Variants in ASAP1 observed in about 807,000 individuals in gnomAD.
ASAP1 encodes the protein arf-GAP with SH3 domain, ANK repeat and PH domain-containing protein 1.
A neutral mutation model predicts 145.2 loss-of-function variants in ASAP1; 43 were observed. The observed-to-expected ratio is 0.30, with a 90% confidence interval of 0.23 to 0.38. ASAP1 has a LOEUF of 0.38. Among genes scored for constraint, ASAP1 ranks in the 10% least tolerant of loss-of-function variants. The probability of loss-of-function intolerance (pLI) is 1.00; values close to 1 mark genes in which losing one functional copy is unlikely to be tolerated. For missense variants in ASAP1, 1,018 were observed against 1,355.3 expected, an observed-to-expected ratio of 0.75 and a Z score of 3.91; for synonymous variants, 546 against 515.5, an observed-to-expected ratio of 1.06 and a Z score of -0.80.
At chr8:130,148,025 C>T (rs931585997) in intron 13 of ASAP1, among the ~76,000 whole-genome samples, 4 of 152,192 alleles carry the variant, frequency 2.6e-5, no homozygotes, top group Non-Finnish European at 4.4e-5. Flanking sequence ...AATATAAATT[C>T]TTAGAACACT....
At chr8:130,337,170 A>G (rs149278017) in intron 3 of ASAP1, among the ~76,000 whole-genome samples, 2 of 152,362 alleles carry the variant, frequency 1.3e-5, no homozygotes, top group Non-Finnish European at 2.9e-5. Flanking sequence ...AAAGGGTGAG[A>G]TTAATTCAAA....
At chr8:130,164,325 C>T (rs2097675640) in intron 11 of ASAP1, among the ~76,000 whole-genome samples, 1 of 152,222 alleles carries the variant, frequency 6.6e-6, no homozygotes, top group South Asian at 2.1e-4. Flanking sequence ...TAGCTCATGC[C>T]TGTAATCCCA....
At chr8:130,411,394 T>C (rs1829258904) in intron 1 of ASAP1, among the ~76,000 whole-genome samples, 1 of 152,116 alleles carries the variant, frequency 6.6e-6, no homozygotes, top group African/African-American at 2.4e-5. Flanking sequence ...GGAAACAATA[T>C]CCCAGCTCCT....
At chr8:130,416,877 A>G (rs1184876220) in intron 1 of ASAP1, among the ~76,000 whole-genome samples, 1 of 152,274 alleles carries the variant, frequency 6.6e-6, no homozygotes, top group African/African-American at 2.4e-5. Context: ...GCCTGAGCTG[A>G]TGGGGCAACC....
At chr8:130,262,789 C>T (rs1820017603) in intron 3 of ASAP1, among the ~76,000 whole-genome samples, 1 of 152,132 alleles carries the variant, frequency 6.6e-6, no homozygotes, top group Non-Finnish European at 1.5e-5. Flanking sequence ...ACATTTTTTA[C>T]TTCAGCAGAA....
intron 3 of ASAP1, among the ~76,000 whole-genome samples, chr8:130,301,819 T>C (rs1822687667): frequency 6.6e-6 from 1 of 152,244 alleles, no homozygotes; most frequent in Non-Finnish European, 1.5e-5. Flanking sequence ...TGAGAGTATC[T>C]ATTCGTAGAT....
chr8:130,245,318 T>C (rs1478463775), intron 3 of ASAP1, among the ~76,000 whole-genome samples: 4 of 152,154 alleles, frequency 2.6e-5, no homozygotes, highest in Non-Finnish European at 5.9e-5. Flanking sequence ...CTCCTGTGCT[T>C]ATAAAGATTT....
intron 3 of ASAP1, among the ~76,000 whole-genome samples, chr8:130,245,664 T>C (rs920887325): frequency 3.3e-5 from 5 of 152,176 alleles, no homozygotes; most frequent in African/African-American, 9.7e-5. Context: ...TAGGTGTGTA[T>C]ACGTTTTGAG....
chr8:130,291,629 C>T (rs1038212143), intron 3 of ASAP1, among the ~76,000 whole-genome samples: 4 of 152,048 alleles, frequency 2.6e-5, no homozygotes, highest in South Asian at 2.1e-4. Context: ...ATAAGTTTGA[C>T]GAGTGAGTGA....
intron 25 of ASAP1, among the ~76,000 whole-genome samples, chr8:130,086,247 C>T (rs1053539607): frequency 1.3e-5 from 2 of 152,164 alleles, no homozygotes; most frequent in Non-Finnish European, 2.9e-5. Flanking sequence ...ATCCTGGCCC[C>T]CACGTACTAG....
chr8:130,436,936 A>G (rs1033373748), intron 1 of ASAP1, among the ~76,000 whole-genome samples: 1 of 151,856 alleles, frequency 6.6e-6, no homozygotes, highest in Non-Finnish European at 1.5e-5. Flanking sequence ...GTGAAACCCC[A>G]TCTCTACAAA....
chr8:130,055,303 A>G (rs2097401398), intron 29 of ASAP1, among the ~76,000 whole-genome samples: 2 of 151,982 alleles, frequency 1.3e-5, no homozygotes, highest in Non-Finnish European at 2.9e-5. Flanking sequence ...AAAAGAAAAA[A>G]AAAAAAAAAA....
chr8:130,300,196 C>T (rs1186730960), intron 3 of ASAP1, among the ~76,000 whole-genome samples: 16 of 108,588 alleles, frequency 1.5e-4, no homozygotes, highest in African/African-American at 5.8e-4. Context: ...AGCGAGCGAG[C>T]GAGCAGTCAA....
chr8:130,419,707 G>A (rs1829636938), intron 1 of ASAP1, among the ~76,000 whole-genome samples: 1 of 152,088 alleles, frequency 6.6e-6, no homozygotes, highest in South Asian at 2.1e-4. Flanking sequence ...CAGAAGACAG[G>A]AGGGAGGGAG....
chr8:130,427,262 G>A (rs923339750), intron 1 of ASAP1, among the ~76,000 whole-genome samples: 3 of 152,168 alleles, frequency 2.0e-5, no homozygotes, highest in Non-Finnish European at 2.9e-5. Context: ...CTGCCAGTAA[G>A]AGTTATCATG....
intron 2 of ASAP1, among the ~76,000 whole-genome samples, chr8:130,400,486 C>T (rs1420662406): frequency 1.5e-5 from 2 of 134,594 alleles, no homozygotes; most frequent in African/African-American, 3.1e-5. Flanking sequence ...GGTAACGTGG[C>T]ATAGGAAAAA....
intron 1 of ASAP1, among the ~76,000 whole-genome samples, chr8:130,429,897 A>G (rs1830078693): frequency 6.6e-6 from 1 of 152,204 alleles, no homozygotes; most frequent in African/African-American, 2.4e-5. Flanking sequence ...TGTTCTCTAT[A>G]ATAGCTGCCT....
At chr8:130,147,258 G>A (rs1356088073) in intron 13 of ASAP1, among the ~76,000 whole-genome samples, 1 of 149,904 alleles carries the variant, frequency 6.7e-6, no homozygotes, top group African/African-American at 2.5e-5. Context: ...TTAAAATGGG[G>A]ATAGTTGTAC....
intron 2 of ASAP1, among the ~76,000 whole-genome samples, chr8:130,380,101 T>G (rs1186817917): frequency 6.6e-6 from 1 of 152,122 alleles, no homozygotes; most frequent in East Asian, 1.9e-4. Flanking sequence ...AGGTCTCAGG[T>G]TGGGTTCCCC....
Sources: allele counts gnomAD v4.1 joint callset (sites outside exome capture counted in the v4.1 genomes callset), GRCh38; gene constraint gnomAD v4.1.1; transcripts MANE v1.5; gene names NCBI Gene and HGNC (gene_info 2026-07-23, HGNC 2026-07-21).